PDAP1: variants seen among roughly 807,000 people sequenced by gnomAD.
PDAP1 encodes 28 kDa heat- and acid-stable phosphoprotein.
PDAP1 carries 13 observed loss-of-function variants against 28.0 expected under a neutral mutation model. That is an observed-to-expected ratio of 0.46 (90% confidence interval 0.30 to 0.74). The LOEUF is 0.74. Ranked by LOEUF, PDAP1 falls within the 30% of genes least tolerant of loss-of-function variation. PDAP1 has a pLI of 0.07. For missense variants in PDAP1, 150 were observed against 230.0 expected, an observed-to-expected ratio of 0.65 and a Z score of 2.25; for synonymous variants, 77 against 85.1, an observed-to-expected ratio of 0.91 and a Z score of 0.52.
Position 99,394,698 on chromosome 7 carries a change from G to GAAAAAAA in PDAP1, c.*1977_*1983dup, listed in dbSNP as rs57668352. 753 of 1,164,534 alleles carry GAAAAAAA rather than the reference G, an allele frequency of 6.5e-4. 5 individuals carry two copies. The African/African-American group carries it at 0.013, about 20-fold the overall frequency. The allele number at this position is 1,164,534 out of a possible 1,614,324, so 72.1% of individuals were successfully genotyped here. Reference sequence around the variant, plus strand: ...TTTTTCTTAAATGCTTTCATTTATTGAAAAAAAAAAAAAATGCCCCCAAAG... The same window carrying GAAAAAAA: ...TTTTTCTTAAATGCTTTCATTTATTGAAAAAAAAAAAAAAAAAAAAATGCCCCCAAAG... On this transcript the variant is annotated 3_prime_UTR_variant, in exon 6 of 6. Transcript: ENST00000350498.
Position 99,400,286 on chromosome 7 carries a change from C to A in PDAP1, c.335+17G>T. The A allele has an allele frequency of 6.2e-7, 1 of 1,612,838 alleles. No individual in the cohort carries two copies. Among genetic ancestry groups the A allele is most frequent in the South Asian group, 1.1e-5 (1 of 91,014 alleles). The stretch of plus-strand genomic sequence containing the variant: ...GCCTGTATTCCCCGTGACACAAGGC[C>A]CAGCCAGTGATGTTACCGTTCTCTC... On this transcript the variant is annotated intron_variant, in intron 4 of 5. Transcript: ENST00000350498.
chr7:99,396,532 G>A lies in PDAP1; in HGVS notation c.*150C>T. On this transcript the variant is annotated 3_prime_UTR_variant, in exon 6 of 6. Transcript: ENST00000350498. ...CCCCCCCATCCCCCAAACAATTTCTGTGCCAAGATGAAGAGGAGGCCCCAG... is the reference window on the plus strand; with the variant it reads ...CCCCCCCATCCCCCAAACAATTTCTATGCCAAGATGAAGAGGAGGCCCCAG... 2.6e-6 allele frequency: 1 copy of A among 386,224 alleles called. No individual in the cohort carries two copies. The highest frequency in any genetic ancestry group is 1.7e-5 in the South Asian group (1 of 57,554). 23.9% of individuals were successfully genotyped at this position (386,224 alleles called of 1,614,324 possible).
intron 1 of PDAP1, among the ~76,000 whole-genome samples, chr7:99,405,359 C>CT (rs869126629): frequency 0.026 from 3,519 of 137,008 alleles, 123 homozygotes; most frequent in African/African-American, 0.073. Context: ...GCCAGGGGCA[C>CT]TTTTTTTTTT....
At chr7:99,406,134 A>T (rs1794965996) in intron 1 of PDAP1, among the ~76,000 whole-genome samples, 1 of 152,200 alleles carries the variant, frequency 6.6e-6, no homozygotes, top group Non-Finnish European at 1.5e-5. Flanking sequence ...TTGTAATCCC[A>T]GCTACTTGGG....
chr7:99,400,435 G>A lies in PDAP1; in HGVS notation c.214-11C>T. On this transcript the variant is annotated splice_polypyrimidine_tract_variant and intron_variant, in intron 3 of 5. Coordinates refer to ENST00000350498, the MANE Select transcript of PDAP1 (RefSeq NM_014891.7). ...GCCTTTGCGCTTTTGCTAGAACAGG[G>A]CAAGAAGCTGGTTGTTGGAGTTCAG... The A allele has an allele frequency of 6.2e-7, 1 of 1,614,002 alleles. No homozygotes were observed. The highest frequency in any genetic ancestry group is 8.5e-7 in the Non-Finnish European group (1 of 1,179,912).
intron 5 of PDAP1, among the ~76,000 whole-genome samples, 168 bp from the exon 6 acceptor site, chr7:99,396,908 G>A (rs1305768031): frequency 6.6e-6 from 1 of 151,582 alleles, no homozygotes; most frequent in African/African-American, 2.4e-5. Context: ...CTGTAACCCC[G>A]GGCCCCCCGA....
chr7:99,403,565 G>A lies in PDAP1; in HGVS notation c.106-60C>T, dbSNP rs566104825. 1.3e-4 allele frequency: 140 copies of A among 1,054,564 alleles called. No individual in the cohort carries two copies. In the East Asian group the frequency reaches 2.5e-3, roughly 19 times the overall value. The allele number at this position is 1,054,564 out of a possible 1,614,324, so 65.3% of individuals were successfully genotyped here. A position where few individuals can be genotyped will look rare whatever the true frequency, so the allele number is the denominator to read the frequency against. On this transcript the variant is annotated intron_variant, in intron 2 of 5. Coordinates refer to ENST00000350498, the MANE Select transcript of PDAP1 (RefSeq NM_014891.7). Reference sequence around the variant, plus strand: ...ATGCAAAACAAATCCCCAAGACTGTGACCCTATCACCCCCCAGACTGTGGA... The same window carrying A: ...ATGCAAAACAAATCCCCAAGACTGTAACCCTATCACCCCCCAGACTGTGGA...
chr7:99,407,034 G>C (rs1262365855), intron 1 of PDAP1, among the ~76,000 whole-genome samples: 1 of 152,130 alleles, frequency 6.6e-6, no homozygotes, highest in Non-Finnish European at 1.5e-5. Context: ...CATGCACTTG[G>C]CTATGGGACC....
chr7:99,408,182 C>T (rs1228566104), intron 1 of PDAP1, among the ~76,000 whole-genome samples: 2 of 152,142 alleles, frequency 1.3e-5, no homozygotes, highest in South Asian at 2.1e-4. Context: ...GAGAGGCAGG[C>T]GGGCCCGGCA....
chr7:99,402,228 C>CAAA lies in PDAP1; in HGVS notation c.213+1167_213+1169dup, dbSNP rs765074891. ...TGGGCGACAGAGAGACTCCATCTCCCAAAAAAAAAAAAAAAAAAAAGCATA... is the reference window on the plus strand; with the variant it reads ...TGGGCGACAGAGAGACTCCATCTCCCAAAAAAAAAAAAAAAAAAAAAAAGCATA... On this transcript the variant is annotated intron_variant, in intron 3 of 5. Coordinates refer to ENST00000350498, the MANE Select transcript of PDAP1 (RefSeq NM_014891.7). Among the ~76,000 whole-genome samples the CAAA allele has an allele frequency of 5.0e-3, 236 of 47,128 alleles. 1 individual carries two copies. The highest frequency in any genetic ancestry group is 0.011 in the African/African-American group (145 of 13,064). 30.9% of individuals were successfully genotyped at this position (47,128 alleles called of 152,430 possible).
At chr7:99,407,171 C>T (rs1794987406) in intron 1 of PDAP1, among the ~76,000 whole-genome samples, 1 of 152,186 alleles carries the variant, frequency 6.6e-6, no homozygotes, top group Non-Finnish European at 1.5e-5. Context: ...ACTTTTAACA[C>T]CTTCACGGTT....
chr7:99,398,161 T>C, intron 4 of PDAP1, 148 bp from the exon 5 acceptor site: 1 of 809,560 alleles, frequency 1.2e-6, no homozygotes, highest in Non-Finnish European at 2.0e-6. Context: ...ATGAACCCCC[T>C]GCTTGGTGGA....
Position 99,408,557 on chromosome 7 carries a change from C to G in PDAP1, c.-9G>C, listed in dbSNP as rs895584326. 7.9e-7 allele frequency: 1 copy of G among 1,273,726 alleles called. No individual in the cohort carries two copies. Among genetic ancestry groups the G allele is most frequent in the Non-Finnish European group, 9.9e-7 (1 of 1,007,724 alleles). 78.9% of individuals were successfully genotyped at this position (1,273,726 alleles called of 1,614,324 possible). The stretch of plus-strand genomic sequence containing the variant: ...TCACCTCCTTTAGGCATTGCGGCTC[C>G]GGCGGCTGCGGCGGCGGCGGCGGCG... On this transcript the variant is annotated 5_prime_UTR_variant, in exon 1 of 6. Coordinates refer to ENST00000350498, the MANE Select transcript of PDAP1 (RefSeq NM_014891.7).
In PDAP1 at chr7:99,394,893, G is replaced by A. The variant is rs1045811165; in HGVS notation, c.*1789C>T. 41 of 1,079,308 alleles carry A rather than the reference G, an allele frequency of 3.8e-5. No individual in the cohort carries two copies. The highest frequency in any genetic ancestry group is 8.2e-5 in the African/African-American group (5 of 60,896). The allele number at this position is 1,079,308 out of a possible 1,614,324, so 66.9% of individuals were successfully genotyped here. A position where few individuals can be genotyped will look rare whatever the true frequency, so the allele number is the denominator to read the frequency against. Reference sequence around the variant, plus strand: ...AGTTTTCCAGGCTGCACTAGAACTCGTGGGAGCAATCCTTCTGCCTCAGCC... The same window carrying A: ...AGTTTTCCAGGCTGCACTAGAACTCATGGGAGCAATCCTTCTGCCTCAGCC... On this transcript the variant is annotated 3_prime_UTR_variant, in exon 6 of 6. Coordinates refer to ENST00000350498, the MANE Select transcript of PDAP1 (RefSeq NM_014891.7).
chr7:99,408,034 G>A (rs2150909855), intron 1 of PDAP1, among the ~76,000 whole-genome samples: 1 of 152,218 alleles, frequency 6.6e-6, no homozygotes, highest in South Asian at 2.1e-4. Flanking sequence ...GAGGTGGAGC[G>A]ACTGGCTCAA....
chr7:99,396,921 TTCCCGACAC>T (rs970855740), intron 5 of PDAP1, among the ~76,000 whole-genome samples, 181 bp from the exon 6 acceptor site: 2 of 152,000 alleles, frequency 1.3e-5, no homozygotes, highest in African/African-American at 4.8e-5. Flanking sequence ...CCCCCCGACA[TTCCCGACAC>T]GCTTCAGTGG....
At chr7:99,400,685 G>A (rs1456349424) in intron 3 of PDAP1, among the ~76,000 whole-genome samples, 1 of 152,190 alleles carries the variant, frequency 6.6e-6, no homozygotes, top group Non-Finnish European at 1.5e-5. Context: ...GATGAGAGGT[G>A]CGCCCTACCC....
intron 3 of PDAP1, 125 bp from the exon 4 acceptor site, chr7:99,400,549 A>G: frequency 2.8e-6 from 3 of 1,061,870 alleles, no homozygotes; most frequent in Non-Finnish European, 4.2e-6. Context: ...CAGCCCACGT[A>G]GTGCTCAGCC....
chr7:99,400,223 C>G (rs1794839031), intron 4 of PDAP1, 80 bp downstream of exon 4: 1 of 1,499,024 alleles, frequency 6.7e-7, no homozygotes, highest in Non-Finnish European at 9.2e-7. Context: ...CAGCTCCCAG[C>G]CAGCTGGGGA....
Sources: gnomAD v4.1 joint callset for allele counts (sites outside exome capture counted in the v4.1 genomes callset) on GRCh38, gnomAD v4.1.1 for gene constraint, MANE v1.5 for transcripts, NCBI Gene and HGNC (gene_info 2026-07-23, HGNC 2026-07-21) for gene names.